Variants in GRK5 observed in about 807,000 individuals in gnomAD.
GRK5 encodes the protein G protein-coupled receptor kinase 5.
In GRK5, 40 loss-of-function variants were observed where a neutral mutation model predicts 78.4. The ratio of observed to expected loss-of-function variants is 0.51; its 90% CI spans 0.40 to 0.66. The LOEUF (loss-of-function observed/expected upper bound fraction) is 0.66. Among genes scored for constraint, GRK5 ranks in the 30% least tolerant of loss-of-function variants. GRK5 has a pLI of 0.00. For missense variants in GRK5, 598 were observed against 759.9 expected, an observed-to-expected ratio of 0.79 and a Z score of 2.50; for synonymous variants, 289 against 296.8, an observed-to-expected ratio of 0.97 and a Z score of 0.27.
chr10:119,390,437 G>A (rs1851871407), intron 3 of GRK5, among the ~76,000 whole-genome samples: 1 of 152,182 alleles, frequency 6.6e-6, no homozygotes, highest in Admixed American at 6.5e-5. Flanking sequence ...CTGTAATCCT[G>A]TAATCCCAGC....
At chr10:119,317,888 A>G (rs1850519067) in intron 1 of GRK5, among the ~76,000 whole-genome samples, 1 of 152,066 alleles carries the variant, frequency 6.6e-6, no homozygotes, top group African/African-American at 2.4e-5. Flanking sequence ...CTCTTGACTT[A>G]CAGCAGTGGT....
intron 1 of GRK5, among the ~76,000 whole-genome samples, chr10:119,269,283 A>G (rs1186817230): frequency 6.6e-6 from 1 of 152,130 alleles, no homozygotes; most frequent in Non-Finnish European, 1.5e-5. Context: ...CAAACAATAG[A>G]CAATAGTTGT....
chr10:119,386,764 T>G (rs1851804713), intron 3 of GRK5, among the ~76,000 whole-genome samples: 1 of 152,236 alleles, frequency 6.6e-6, no homozygotes, highest in Non-Finnish European at 1.5e-5. Flanking sequence ...TTTCCAGGGC[T>G]GGCGTAACTT....
intron 2 of GRK5, among the ~76,000 whole-genome samples, chr10:119,376,105 G>A (rs749805435): frequency 2.0e-5 from 3 of 152,220 alleles, no homozygotes; most frequent in Non-Finnish European, 2.9e-5. Context: ...CCTTCCCAGT[G>A]TATCTCCCAG....
chr10:119,390,954 G>A (rs1021599193), intron 3 of GRK5, among the ~76,000 whole-genome samples: 163 of 152,242 alleles, frequency 1.1e-3, no homozygotes, highest in Non-Finnish European at 2.1e-3. Context: ...TGAGAGAGGC[G>A]AGCCTGTCCC....
chr10:119,380,873 G>A lies in GRK5; in HGVS notation c.207G>A (p.Gln69=). The A allele has an allele frequency of 1.2e-6, 2 of 1,613,698 alleles. No individual in the cohort carries two copies. Among genetic ancestry groups the A allele is most frequent in the East Asian group, 2.2e-5 (1 of 44,868 alleles). The change falls in exon 3 of 16, where the codon CAG becomes CAA. Residue 69 remains glutamine, a synonymous_variant. Coordinates refer to ENST00000392870, the MANE Select transcript of GRK5 (RefSeq NM_005308.3). ...KQPIGRLLFR[Q]FCETRPGLEC... ...CAATCGGGAGGCTGCTTTTCCGGCA[G>A]TTTTGTGAAACCAGGCCTGGGCTGG...
In GRK5 at chr10:119,456,663, C is replaced by T. The variant is rs959720509; in HGVS notation, c.*1596C>T. 8 of 152,344 alleles carry T rather than the reference C, an allele frequency of 5.3e-5. No individual in the cohort carries two copies. Among genetic ancestry groups the T allele is most frequent in the Non-Finnish European group, 1.2e-4 (8 of 68,038 alleles). 9.4% of individuals were successfully genotyped at this position (152,344 alleles called of 1,614,324 possible). A position where few individuals can be genotyped will look rare whatever the true frequency, so the allele number is the denominator to read the frequency against. On this transcript the variant is annotated 3_prime_UTR_variant, in exon 16 of 16. Transcript: ENST00000392870. This position sits in a 1 kb window ranked among gnomAD's most constrained non-coding sequence, Gnocchi z 5.5. The stretch of plus-strand genomic sequence containing the variant: ...GCACCTCCTGTCAAAAGTGCAGACT[C>T]GCAGGTTCCACCCCAAACCACAGAA...
At chr10:119,389,738 G>A (rs928338071) in intron 3 of GRK5, among the ~76,000 whole-genome samples, 1 of 152,014 alleles carries the variant, frequency 6.6e-6, no homozygotes, top group Admixed American at 6.6e-5. Context: ...AAAACCCTGG[G>A]AACTGTGGAC....
rs1849514502 is a variant in GRK5 at position 119,267,295 on chromosome 10, C to T, written c.53-59221C>T. 1.3e-5 allele frequency among the ~76,000 whole-genome samples: 2 copies of T among 152,164 alleles called. No homozygotes were observed. The highest frequency in any genetic ancestry group is 3.9e-4 in the East Asian group (2 of 5,180). On this transcript the variant is annotated intron_variant, in intron 1 of 15. Transcript: ENST00000392870. This position sits in a 1 kb window ranked among gnomAD's most constrained non-coding sequence, Gnocchi z 4.1. ...ACAGGGTCTGCCTGTGTTGCCCAGG[C>T]TGGTCTCAAACTCCCTGCTTTAAGC...
In GRK5 at chr10:119,443,723, T is replaced by C. The variant is rs1441148901; in HGVS notation, c.1237T>C (p.Ser413Pro). The change falls in exon 12 of 16, where the codon TCC becomes CCC. Residue 413 changes from serine to proline, a missense_variant. Coordinates refer to ENST00000392870, the MANE Select transcript of GRK5 (RefSeq NM_005308.3). Reference protein sequence around the residue: ...ETEEVYSHKFSEEAKSICKML... With the variant: ...ETEEVYSHKFPEEAKSICKML... ...GGAGGAGGTGTACTCCCACAAGTTC[T>C]CCGAGGAGGCCAAGTCCATCTGCAA... 2 of 1,607,344 alleles carry C rather than the reference T, an allele frequency of 1.2e-6. No individual in the cohort carries two copies. Among genetic ancestry groups the C allele is most frequent in the East Asian group, 2.2e-5 (1 of 44,662 alleles).
chr10:119,210,643 T>C (rs866819648), intron 1 of GRK5, among the ~76,000 whole-genome samples: 6 of 152,358 alleles, frequency 3.9e-5, no homozygotes, highest in Middle Eastern at 3.4e-3. Flanking sequence ...AAAACACTTC[T>C]TAAAGATTCT....
intron 3 of GRK5, among the ~76,000 whole-genome samples, chr10:119,394,406 ATG>A (rs1265124026): frequency 1.0e-4 from 1 of 9,832 alleles, no homozygotes; most frequent in Non-Finnish European, 2.2e-4. Context: ...GTGTGTGGGC[ATG>A]TGTGTGGGGG....
chr10:119,347,073 G>A (rs770281931), intron 2 of GRK5, among the ~76,000 whole-genome samples: 8 of 152,130 alleles, frequency 5.3e-5, no homozygotes, highest in Admixed American at 3.9e-4. Context: ...AGGTGTGGCC[G>A]GCACCTGGTT....
intron 1 of GRK5, among the ~76,000 whole-genome samples, chr10:119,293,025 G>T (rs973708254): frequency 6.6e-6 from 1 of 152,134 alleles, no homozygotes; most frequent in Non-Finnish European, 1.5e-5. Flanking sequence ...GCATTTGGTG[G>T]CTTCATCTCC....
At chr10:119,353,925 T>A (rs1461018655) in intron 2 of GRK5, among the ~76,000 whole-genome samples, 1 of 126,850 alleles carries the variant, frequency 7.9e-6, no homozygotes, top group Non-Finnish European at 1.7e-5. Context: ...CAATCCATTT[T>A]TTCTTTCTTT....
intron 5 of GRK5, among the ~76,000 whole-genome samples, chr10:119,423,659 G>A (rs1001584688): frequency 6.6e-6 from 1 of 152,190 alleles, no homozygotes; most frequent in African/African-American, 2.4e-5. Flanking sequence ...CAGGTGGCAC[G>A]TCTGCCGTGC....
intron 2 of GRK5, among the ~76,000 whole-genome samples, chr10:119,352,290 C>T (rs1030494221): frequency 1.2e-4 from 19 of 152,176 alleles, no homozygotes. Flanking sequence ...CCACAATATT[C>T]TTGTTCCAAA....
chr10:119,308,204 T>C (rs1850303156), intron 1 of GRK5, among the ~76,000 whole-genome samples: 2 of 152,144 alleles, frequency 1.3e-5, no homozygotes, highest in South Asian at 4.1e-4. Flanking sequence ...GCACTAGAGC[T>C]GTGCCCACAG....
At chr10:119,224,498 C>T (rs1030798711) in intron 1 of GRK5, among the ~76,000 whole-genome samples, 1 of 152,116 alleles carries the variant, frequency 6.6e-6, no homozygotes, top group Admixed American at 6.6e-5. Flanking sequence ...AACCTTCTGC[C>T]TCCCAGGTTC....
Sources: gnomAD v4.1 joint callset for allele counts (sites outside exome capture counted in the v4.1 genomes callset) on GRCh38, gnomAD v4.1.1 for gene constraint, Gnocchi (gnomAD v3.1) non-coding constraint, MANE v1.5 for transcripts, NCBI Gene and HGNC (gene_info 2026-07-23, HGNC 2026-07-21) for gene names.